The following SLC25A26 variants were observed in gnomAD, a reference collection of about 807,000 sequenced individuals.
SLC25A26 encodes the protein mitochondrial S-adenosylmethionine carrier protein.
A neutral mutation model predicts 37.8 loss-of-function variants in SLC25A26; 36 were observed. That is an observed-to-expected ratio of 0.95 (90% CI 0.73 to 1.26). The LOEUF is 1.26. Among genes scored for constraint, SLC25A26 ranks in the 50% most tolerant of loss-of-function variants. The pLI is 0.00. For missense variants in SLC25A26, 390 were observed against 331.1 expected (o/e 1.18, Z -1.38); for synonymous variants, 129 against 122.5 (o/e 1.05, Z -0.35).
intron 6 of SLC25A26, 69 bp downstream of exon 6, chr3:66,346,477 G>GAGTAGAAAC (rs2076326453): frequency 1.3e-6 from 1 of 792,168 alleles, no homozygotes; most frequent in Non-Finnish European, 1.9e-6. Flanking sequence ...GAGTGTGGAA[G>GAGTAGAAAC]AGTAGAACAT....
At chr3:66,150,603 G>T (rs867468593) in intron 1 of SLC25A26, among the ~76,000 whole-genome samples, 77 of 26,112 alleles carry the variant, frequency 2.9e-3, no homozygotes, top group Middle Eastern at 0.045. Flanking sequence ...TATGTAATGA[G>T]ATATATATAT....
chr3:66,322,572 T>C (rs1430570088), intron 5 of SLC25A26, among the ~76,000 whole-genome samples: 2 of 152,214 alleles, frequency 1.3e-5, no homozygotes, highest in African/African-American at 4.8e-5. Context: ...CTTTTAGGAC[T>C]TTATTTGTTT....
intron 5 of SLC25A26, among the ~76,000 whole-genome samples, chr3:66,275,402 A>G (rs1158828854): frequency 1.3e-5 from 2 of 151,580 alleles, no homozygotes; most frequent in Non-Finnish European, 2.9e-5. Flanking sequence ...AAGTATAATA[A>G]TAGTAAAAAA....
chr3:66,241,453 T>C (rs1338010710), intron 2 of SLC25A26, among the ~76,000 whole-genome samples: 1 of 152,216 alleles, frequency 6.6e-6, no homozygotes, highest in African/African-American at 2.4e-5. Context: ...AGAAAGATTA[T>C]TTTGGGAAGA....
chr3:66,217,209 A>G (rs2106849625), upstream of SLC25A26, among the ~76,000 whole-genome samples: 1 of 152,338 alleles, frequency 6.6e-6, no homozygotes, highest in African/African-American at 2.4e-5. Flanking sequence ...CAAAGGATGT[A>G]TTAAATCAAA....
At chr3:66,196,316 A>G (rs1431576442) in intron 1 of SLC25A26, among the ~76,000 whole-genome samples, 1 of 152,188 alleles carries the variant, frequency 6.6e-6, no homozygotes, top group Non-Finnish European at 1.5e-5. Flanking sequence ...GTATCTATGC[A>G]CTCAACTTGT....
At chr3:66,333,722 C>G (rs191016795) in intron 5 of SLC25A26, among the ~76,000 whole-genome samples, 1 of 152,304 alleles carries the variant, frequency 6.6e-6, no homozygotes, top group East Asian at 1.9e-4. Flanking sequence ...GTTCCCCACC[C>G]AAGGGTCATC....
At chr3:66,220,690 A>G (rs1397610535), upstream of SLC25A26, 1 of 272,810 alleles carries the variant, frequency 3.7e-6, no homozygotes, top group African/African-American at 2.3e-5. Context: ...GGTTAGTACT[A>G]CCCCTCACGA....
chr3:66,364,682 C>T (rs2076787366), intron 7 of SLC25A26, among the ~76,000 whole-genome samples: 1 of 152,160 alleles, frequency 6.6e-6, no homozygotes, highest in Non-Finnish European at 1.5e-5. Flanking sequence ...TAAGGAATTA[C>T]TACTATTTCA....
At chr3:66,141,372 A>G (rs568536996) in intron 1 of SLC25A26, among the ~76,000 whole-genome samples, 1 of 152,110 alleles carries the variant, frequency 6.6e-6, no homozygotes, top group African/African-American at 2.4e-5. Context: ...GACTACAGCC[A>G]TGTACCACCA....
At chr3:66,345,435 T>G (rs1247580677) in intron 5 of SLC25A26, among the ~76,000 whole-genome samples, 1 of 151,602 alleles carries the variant, frequency 6.6e-6, no homozygotes, top group African/African-American at 2.4e-5. Flanking sequence ...CTCCCTCCTC[T>G]TTTCTCCCTC....
chr3:66,273,752 A>T (rs1161206813), intron 5 of SLC25A26, among the ~76,000 whole-genome samples: 1 of 152,192 alleles, frequency 6.6e-6, no homozygotes, highest in Non-Finnish European at 1.5e-5. Context: ...ATAAAAGAGG[A>T]TACAAACGAA....
At chr3:66,267,855 T>C (rs1251033565) in intron 5 of SLC25A26, among the ~76,000 whole-genome samples, 1 of 152,178 alleles carries the variant, frequency 6.6e-6, no homozygotes, top group Non-Finnish European at 1.5e-5. Context: ...TTAATATCCA[T>C]GTTAGGCAGT....
chr3:66,247,156 G>T (rs1017640390), intron 3 of SLC25A26, among the ~76,000 whole-genome samples: 1 of 152,050 alleles, frequency 6.6e-6, no homozygotes, highest in African/African-American at 2.4e-5. Flanking sequence ...CAGCCACCGC[G>T]CCAGGCCCCT....
At chr3:66,271,330 G>A (rs1258893488) in intron 5 of SLC25A26, among the ~76,000 whole-genome samples, 2 of 152,096 alleles carry the variant, frequency 1.3e-5, no homozygotes, top group Non-Finnish European at 2.9e-5. Flanking sequence ...TTCTAAGGCT[G>A]GTGTACTGGT....
intron 5 of SLC25A26, among the ~76,000 whole-genome samples, chr3:66,333,158 G>A (rs1263725685): frequency 6.6e-6 from 1 of 152,092 alleles, no homozygotes; most frequent in Non-Finnish European, 1.5e-5. Context: ...GTCAAGATCT[G>A]TGTGTAGAAT....
rs575166433 is a variant in SLC25A26 at position 66,294,018 on chromosome 3, A to G, written c.453+30639A>G. Among the ~76,000 whole-genome samples, 24 of 151,866 alleles carry G rather than the reference A, an allele frequency of 1.6e-4. No homozygotes were observed. In the East Asian group the frequency reaches 1.9e-3, roughly 12 times the overall value. ...TACCTGGGCTCTTTTTTTTTGTTCC[A>G]TATGAATTTTAAAATAGTTTTTTTC... is the stretch of plus-strand genomic sequence containing the variant. On this transcript the variant is annotated intron_variant, in intron 5 of 9. Coordinates refer to ENST00000354883, the MANE Select transcript of SLC25A26 (RefSeq NM_001379210.1).
chr3:66,257,527 C>A (rs1159816563), intron 3 of SLC25A26, among the ~76,000 whole-genome samples: 1 of 152,104 alleles, frequency 6.6e-6, no homozygotes, highest in African/African-American at 2.4e-5. Flanking sequence ...GACCCCGAGG[C>A]TGAGGGATGG....
chr3:66,319,301 C>T (rs1347400564), intron 5 of SLC25A26, among the ~76,000 whole-genome samples: 2 of 151,592 alleles, frequency 1.3e-5, no homozygotes, highest in South Asian at 2.1e-4. Flanking sequence ...CGAGGGAGTG[C>T]CAGAGACAAG....
Sources: allele counts gnomAD v4.1 joint callset (sites outside exome capture counted in the v4.1 genomes callset), GRCh38; gene constraint gnomAD v4.1.1; transcripts MANE v1.5; gene names NCBI Gene and HGNC (gene_info 2026-07-23, HGNC 2026-07-21).